The following BCAS4 variants were observed in gnomAD, a reference collection of about 807,000 sequenced individuals.
BCAS4 encodes the protein breast carcinoma-amplified sequence 4.
Under a neutral mutation model 15.7 loss-of-function variants are expected in BCAS4, and 9 were observed. The ratio of observed to expected loss-of-function variants is 0.57; its 90% CI spans 0.34 to 1.00. BCAS4 has a LOEUF of 1.00. Ranked by LOEUF, BCAS4 falls within the 50% of genes least tolerant of loss-of-function variation. The pLI is 0.02. For missense variants in BCAS4, 225 were observed against 239.1 expected (o/e 0.94, Z 0.39); for synonymous variants, 101 against 99.5 (o/e 1.02, Z -0.09).
At chr20:50,856,858 G>T (rs1050417733) in intron 4 of BCAS4, among the ~76,000 whole-genome samples, 1 of 152,150 alleles carries the variant, frequency 6.6e-6, no homozygotes, top group Non-Finnish European at 1.5e-5. Flanking sequence ...TGATTGATGA[G>T]TCACATCACT....
At chr20:50,816,791 A>ATTTTTTTTTTTTTTTTTTTT (rs35600563) in intron 1 of BCAS4, among the ~76,000 whole-genome samples, 2 of 80,926 alleles carry the variant, frequency 2.5e-5, no homozygotes, top group African/African-American at 1.2e-4. Flanking sequence ...TGCCTGGCTA[A>ATTTTTTTTTTTTTTTTTTTT]TTTTTTTTTT....
rs913806348 is a variant in BCAS4, at chr20:50,851,047, C to T, written c.399+9147C>T. ...CAGCTCCCGCCCCTTGCCTCCTCTC[C>T]CCTTCCTGTCCAGCCCTGCAAGTGG... On this transcript the variant is annotated intron_variant, in intron 4 of 4. Transcript: ENST00000371608. This position sits in a 1 kb window ranked among gnomAD's most constrained non-coding sequence, Gnocchi z 4.3. Among the ~76,000 whole-genome samples, 3 of 128,356 alleles carry T rather than the reference C, an allele frequency of 2.3e-5. No individual in the cohort carries two copies. Among genetic ancestry groups the T allele is most frequent in the South Asian group, 2.8e-4 (1 of 3,612 alleles). The allele number at this position is 128,356 out of a possible 152,430, so 84.2% of individuals were successfully genotyped here.
intron 4 of BCAS4, among the ~76,000 whole-genome samples, chr20:50,866,688 T>C (rs1979375051): frequency 1.3e-5 from 2 of 152,150 alleles, no homozygotes; most frequent in Non-Finnish European, 2.9e-5. Flanking sequence ...GACATCCTGG[T>C]TCCTGACTGA....
At chr20:50,844,600 T>C (rs554338523) in intron 4 of BCAS4, among the ~76,000 whole-genome samples, 2 of 152,248 alleles carry the variant, frequency 1.3e-5, no homozygotes, top group East Asian at 1.9e-4. Context: ...CCCGATGAGG[T>C]TGGTGCTAGT....
rs2087835516 is a variant in BCAS4 at position 50,795,082 on chromosome 20, T to A, written c.-2T>A. 1.9e-5 allele frequency: 28 copies of A among 1,502,778 alleles called. No individual in the cohort carries two copies. Among genetic ancestry groups the A allele is most frequent in the Non-Finnish European group, 2.4e-5 (27 of 1,127,140 alleles). 93.1% of individuals were successfully genotyped at this position (1,502,778 alleles called of 1,614,324 possible). Reference sequence around the variant, plus strand: ...CGCCAGCCGGACCCCGTCGCCCTCCTGATGCTGCTCGTGGACGCTGATCAG... The same window carrying A: ...CGCCAGCCGGACCCCGTCGCCCTCCAGATGCTGCTCGTGGACGCTGATCAG... On this transcript the variant is annotated 5_prime_UTR_variant, in exon 1 of 5. Transcript: ENST00000371608.
At chr20:50,795,377 C>T (rs2087841724) in intron 1 of BCAS4, among the ~76,000 whole-genome samples, 2 of 152,176 alleles carry the variant, frequency 1.3e-5, no homozygotes, top group Admixed American at 1.3e-4. Context: ...GACACCGGGC[C>T]CCGGAGGCCC....
intron 3 of BCAS4, among the ~76,000 whole-genome samples, chr20:50,839,000 A>T (rs1246122474): frequency 6.6e-6 from 1 of 152,114 alleles, no homozygotes; most frequent in African/African-American, 2.4e-5. Flanking sequence ...AAGCACGTGG[A>T]GGGAGGAGGG....
At chr20:50,847,672 C>T (rs6020790) in intron 4 of BCAS4, among the ~76,000 whole-genome samples, 4,512 of 152,246 alleles carry the variant, frequency 0.03, 204 homozygotes, top group African/African-American at 0.1. Flanking sequence ...TCACATATTG[C>T]CTTGGTAGAG....
At chr20:50,803,127 G>C (rs1386208649) in intron 1 of BCAS4, among the ~76,000 whole-genome samples, 1 of 152,204 alleles carries the variant, frequency 6.6e-6, no homozygotes, top group East Asian at 1.9e-4. Context: ...GTTGCAGTGA[G>C]CCAAGATCGC....
chr20:50,831,476 A>T (rs151294868), intron 3 of BCAS4, among the ~76,000 whole-genome samples: 163 of 152,180 alleles, frequency 1.1e-3, no homozygotes, highest in African/African-American at 3.6e-3. Context: ...TGGGCTCTCC[A>T]GTCTTCCACA....
chr20:50,849,019 C>G (rs907669313), intron 4 of BCAS4, among the ~76,000 whole-genome samples: 1 of 152,204 alleles, frequency 6.6e-6, no homozygotes, highest in East Asian at 1.9e-4. Context: ...GGGGCTGGAG[C>G]CCTGCGGGCT....
intron 3 of BCAS4, among the ~76,000 whole-genome samples, chr20:50,832,201 T>C (rs964739658): frequency 6.6e-5 from 10 of 151,884 alleles, no homozygotes; most frequent in African/African-American, 2.4e-4. Context: ...CGAGCCTCTC[T>C]GAGCCTACCC....
rs115345266 is a variant in BCAS4 at position 50,860,366 on chromosome 20, C to T, written c.400-16120C>T. ...TCAGCCAAGACACTGAGCAGGGTCC[C>T]GCCAGGTCCCCTGTGCTGTCCTTTA... On this transcript the variant is annotated intron_variant, in intron 4 of 4. Coordinates refer to ENST00000371608, the MANE Select transcript of BCAS4 (RefSeq NM_198799.4). 6.0e-3 allele frequency among the ~76,000 whole-genome samples: 921 copies of T among 152,320 alleles called. 9 individuals are homozygous for T. The highest frequency in any genetic ancestry group is 0.017 in the African/African-American group (704 of 41,572).
intron 1 of BCAS4, among the ~76,000 whole-genome samples, chr20:50,812,536 C>G (rs919867798): frequency 2.0e-5 from 3 of 151,456 alleles, no homozygotes; most frequent in Non-Finnish European, 2.9e-5. Context: ...TCCTGGATTC[C>G]CCAAGCAATT....
chr20:50,862,125 C>G (rs547278284), intron 4 of BCAS4, among the ~76,000 whole-genome samples: 1 of 152,098 alleles, frequency 6.6e-6, no homozygotes, highest in South Asian at 2.1e-4. Flanking sequence ...TGGCCTCTCT[C>G]TCTCTTTTTG....
chr20:50,821,810 C>G (rs1475640810), intron 2 of BCAS4, among the ~76,000 whole-genome samples: 1 of 152,228 alleles, frequency 6.6e-6, no homozygotes, highest in Non-Finnish European at 1.5e-5. Flanking sequence ...CTTGATCACT[C>G]TCTGTCACTG....
intron 4 of BCAS4, among the ~76,000 whole-genome samples, chr20:50,849,989 T>C (rs181039658): frequency 6.6e-6 from 1 of 152,224 alleles, no homozygotes; most frequent in East Asian, 1.9e-4. Context: ...ATAATAAAAC[T>C]GTGTTGTACC....
intron 4 of BCAS4, among the ~76,000 whole-genome samples, chr20:50,848,852 G>A (rs1363202460): frequency 6.6e-6 from 1 of 152,262 alleles, no homozygotes; most frequent in Non-Finnish European, 1.5e-5. Context: ...TCCGGTCAGA[G>A]GAAAGAAAAG....
At chr20:50,876,004 G>A (rs899355178) in intron 4 of BCAS4, 4 of 455,998 alleles carry the variant, frequency 8.8e-6, no homozygotes, top group African/African-American at 4.0e-5. Context: ...TAGGTGGAGT[G>A]CAGTGGCACA....
Sources: allele counts gnomAD v4.1 joint callset (sites outside exome capture counted in the v4.1 genomes callset), GRCh38; gene constraint gnomAD v4.1.1; non-coding constraint Gnocchi (gnomAD v3.1); transcripts MANE v1.5; gene names NCBI Gene and HGNC (gene_info 2026-07-23, HGNC 2026-07-21).